The following OR1J2 variants were observed in gnomAD, a reference collection of about 807,000 sequenced individuals.
OR1J2 encodes olfactory receptor 1J2.
For synonymous variants in OR1J2, 142 were observed against 99.7 expected (o/e 1.42, Z -2.52); for missense variants, 304 against 246.1 (o/e 1.24, Z -1.57).
chr9:122,461,005 C>CT, the OR1J2 span, among the ~76,000 whole-genome samples: 23 of 152,132 alleles, frequency 1.5e-4, 1 homozygote, highest in African/African-American at 5.3e-4. Context: ...GTTCTAGGAG[C>CT]TTTTTTGATG....
chr9:122,470,776 C>G, the OR1J2 span, among the ~76,000 whole-genome samples: 1 of 152,218 alleles, frequency 6.6e-6, no homozygotes, highest in Non-Finnish European at 1.5e-5. Context: ...CCACCTCTTG[C>G]ATCAGCATGA....
the OR1J2 span, among the ~76,000 whole-genome samples, chr9:122,571,279 C>T: frequency 3.9e-4 from 59 of 152,194 alleles, no homozygotes; most frequent in African/African-American, 7.2e-4. Flanking sequence ...ATGCCGGGCG[C>T]GGTGGCTCAC....
the OR1J2 span, among the ~76,000 whole-genome samples, chr9:122,561,791 C>T: frequency 6.6e-6 from 1 of 152,294 alleles, no homozygotes; most frequent in African/African-American, 2.4e-5. Flanking sequence ...CTGACAACCC[C>T]TGTTGCAGGG....
At chr9:122,528,386 T>G in the OR1J2 span, among the ~76,000 whole-genome samples, 1 of 151,982 alleles carries the variant, frequency 6.6e-6, no homozygotes, top group African/African-American at 2.4e-5. Context: ...CTACCTGAGG[T>G]CAGTAGTTCA....
At chr9:122,553,796 C>T in the OR1J2 span, 1 of 1,614,004 alleles carries the variant, frequency 6.2e-7, no homozygotes, top group Admixed American at 1.7e-5. Flanking sequence ...GCTCAGATAC[C>T]CATGTAAACG....
the OR1J2 span, among the ~76,000 whole-genome samples, chr9:122,548,889 T>G: frequency 2.4e-4 from 37 of 151,916 alleles, no homozygotes; most frequent in African/African-American, 8.7e-4. Context: ...GATGCATAGT[T>G]GGCAAATATT....
chr9:122,523,332 G>C, the OR1J2 span, among the ~76,000 whole-genome samples: 86 of 152,260 alleles, frequency 5.6e-4, 1 homozygote, highest in Middle Eastern at 0.02. Context: ...TATATTGTGA[G>C]GGGGGTAGAT....
At chr9:122,487,750 G>A in the OR1J2 span, among the ~76,000 whole-genome samples, 5 of 152,208 alleles carry the variant, frequency 3.3e-5, no homozygotes, top group African/African-American at 9.7e-5. Context: ...CCAGAAGTCT[G>A]TGGTGAGACA....
chr9:122,508,917 A>G (rs1564182478), upstream of OR1J2, among the ~76,000 whole-genome samples: 3 of 152,128 alleles, frequency 2.0e-5, no homozygotes, highest in Non-Finnish European at 4.4e-5. Context: ...CTAGAGCATA[A>G]TCTTGTTTTC....
downstream of OR1J2, among the ~76,000 whole-genome samples, chr9:122,515,871 A>ACATCT (rs371413817): frequency 0.011 from 1,607 of 152,158 alleles, 34 homozygotes; most frequent in African/African-American, 0.037. Context: ...AGAGGCAGCA[A>ACATCT]ACTTTGAGCC....
chr9:122,497,816 T>C, the OR1J2 span, among the ~76,000 whole-genome samples: 1 of 152,196 alleles, frequency 6.6e-6, no homozygotes, highest in Non-Finnish European at 1.5e-5. Context: ...CTATAAACTT[T>C]CCTGTTAATA....
At chr9:122,487,481 A>G in the OR1J2 span, among the ~76,000 whole-genome samples, 1 of 152,160 alleles carries the variant, frequency 6.6e-6, no homozygotes, top group Non-Finnish European at 1.5e-5. Flanking sequence ...ACACACACAC[A>G]CACACACACA....
At chr9:122,539,634 A>G in the OR1J2 span, among the ~76,000 whole-genome samples, 3 of 152,158 alleles carry the variant, frequency 2.0e-5, no homozygotes, top group Non-Finnish European at 4.4e-5. Context: ...ATACCCAGTA[A>G]TGGGATGGCT....
chr9:122,494,721 A>C, the OR1J2 span, among the ~76,000 whole-genome samples: 1 of 152,132 alleles, frequency 6.6e-6, no homozygotes, highest in African/African-American at 2.4e-5. Context: ...TCTGTTCATC[A>C]TGCTATTTGT....
At chr9:122,490,521 G>A in the OR1J2 span, among the ~76,000 whole-genome samples, 1 of 152,124 alleles carries the variant, frequency 6.6e-6, no homozygotes, top group African/African-American at 2.4e-5. Flanking sequence ...AGAACAGCAA[G>A]TAGGCTTGTA....
chr9:122,523,710 G>C, the OR1J2 span, among the ~76,000 whole-genome samples: 1 of 152,186 alleles, frequency 6.6e-6, no homozygotes, highest in African/African-American at 2.4e-5. Context: ...GAACAAAATG[G>C]AAGACTAGGC....
the OR1J2 span, among the ~76,000 whole-genome samples, chr9:122,534,552 C>T: frequency 1.3e-5 from 2 of 152,096 alleles, no homozygotes; most frequent in Non-Finnish European, 2.9e-5. Flanking sequence ...GAGGGCTAGT[C>T]ACCGAACGAA....
chr9:122,551,152 T>G, the OR1J2 span, among the ~76,000 whole-genome samples: 6 of 152,154 alleles, frequency 3.9e-5, no homozygotes, highest in African/African-American at 1.4e-4. Flanking sequence ...CTCAATCCCA[T>G]TTACAATAGC....
At chr9:122,517,182 G>A in the OR1J2 span, among the ~76,000 whole-genome samples, 2 of 152,182 alleles carry the variant, frequency 1.3e-5, no homozygotes, top group African/African-American at 4.8e-5. Context: ...ATGAAGATAT[G>A]AAGTGATGTT....
Sources: allele counts gnomAD v4.1 joint callset (sites outside exome capture counted in the v4.1 genomes callset), GRCh38; gene constraint gnomAD v4.1.1; transcripts MANE v1.5; gene names NCBI Gene and HGNC (gene_info 2026-07-23, HGNC 2026-07-21).